ELAVL2: variants seen among roughly 807,000 people sequenced by gnomAD.
The protein encoded by ELAVL2 is ELAV-like protein 2.
Under a neutral mutation model 34.6 loss-of-function variants are expected in ELAVL2, and 4 were observed. That is an observed-to-expected ratio of 0.12 (90% CI 0.06 to 0.26). ELAVL2 has a LOEUF of 0.26. Among genes scored for constraint, ELAVL2 ranks in the 10% least tolerant of loss-of-function variants. The pLI, the probability that ELAVL2 is intolerant of heterozygous loss-of-function variation, is 1.00. For synonymous variants in ELAVL2, 193 were observed against 154.8 expected, an observed-to-expected ratio of 1.25 and a Z score of -1.83; for missense variants, 432 against 442.8, an observed-to-expected ratio of 0.98 and a Z score of 0.22.
chr9:23,715,869 C>A (rs1036054257), intron 3 of ELAVL2, among the ~76,000 whole-genome samples: 4 of 151,934 alleles, frequency 2.6e-5, no homozygotes, highest in Non-Finnish European at 5.9e-5. Flanking sequence ...ACAACCAGTA[C>A]CGGTTGGTAA....
chr9:23,762,089 T>A lies in ELAVL2; in HGVS notation c.146A>T (p.Asn49Ile). 1.2e-6 allele frequency: 2 copies of A among 1,613,558 alleles called. No individual in the cohort carries two copies. The highest frequency in any genetic ancestry group is 1.7e-6 in the Non-Finnish European group (2 of 1,179,600). ...ACTCTTTAGTTCCTCCTGTGTCATG[T>A]TCTGAGGAAGGTAGTTGACTATTAA... ...TNLIVNYLPQ[N>I]MTQEELKSLF... The change falls in exon 2 of 7, where the codon AAC becomes ATC. Residue 49 changes from asparagine to isoleucine, a missense_variant. Physicochemically the swap from Asn to Ile is moderately radical, Grantham distance 149 (BLOSUM62 -3). Coordinates refer to ENST00000397312, the MANE Select transcript of ELAVL2 (RefSeq NM_004432.5).
intron 2 of ELAVL2, among the ~76,000 whole-genome samples, chr9:23,757,785 A>T (rs920916758): frequency 1.3e-5 from 2 of 152,084 alleles, no homozygotes; most frequent in Non-Finnish European, 2.9e-5. Flanking sequence ...TCTAGAGAGA[A>T]GATTATTGTA....
At chr9:23,742,612 C>T (rs567620908) in intron 2 of ELAVL2, among the ~76,000 whole-genome samples, 2 of 152,264 alleles carry the variant, frequency 1.3e-5, no homozygotes, top group South Asian at 2.1e-4. Flanking sequence ...TATGTACAAC[C>T]CTTCCACCGG....
chr9:23,724,993 A>G (rs778048964), intron 3 of ELAVL2, among the ~76,000 whole-genome samples: 2 of 152,108 alleles, frequency 1.3e-5, no homozygotes, highest in African/African-American at 2.4e-5. Context: ...GCTCAAGGTA[A>G]AGGTTTTTAA....
rs202039694 is a variant in ELAVL2, at chr9:23,692,166, GA to G, written c.*390del. 101 of 163,760 alleles carry G rather than the reference GA, an allele frequency of 6.2e-4. No homozygotes were observed. In the East Asian group the frequency reaches 9.6e-3, roughly 16 times the overall value. 10.1% of individuals were successfully genotyped at this position (163,760 alleles called of 1,614,324 possible). On this transcript the variant is annotated 3_prime_UTR_variant, in exon 7 of 7. Transcript: ENST00000397312. The stretch of plus-strand genomic sequence containing the variant: ...AATCAGAAAAAGGAAAAAAAGGGGG[GA>G]AAAAAAAGACACAACCAACTGAAGA...
chr9:23,789,375 G>T (rs1209562608), intron 1 of ELAVL2, among the ~76,000 whole-genome samples: 1 of 152,140 alleles, frequency 6.6e-6, no homozygotes, highest in Non-Finnish European at 1.5e-5. Flanking sequence ...TATATTAAGT[G>T]ATTTATTAAA....
chr9:23,790,267 G>T (rs888083604), intron 1 of ELAVL2, among the ~76,000 whole-genome samples: 4 of 151,932 alleles, frequency 2.6e-5, no homozygotes, highest in Admixed American at 6.6e-5. Context: ...AAAAAGAGAG[G>T]GAATACAAAA....
intron 2 of ELAVL2, among the ~76,000 whole-genome samples, chr9:23,752,107 A>G (rs926044849): frequency 1.3e-5 from 2 of 152,114 alleles, no homozygotes; most frequent in Non-Finnish European, 2.9e-5. Flanking sequence ...CTATGGGGGG[A>G]AAAACAAAAG....
chr9:23,696,980 T>G (rs1322378542), intron 5 of ELAVL2, among the ~76,000 whole-genome samples: 1 of 152,122 alleles, frequency 6.6e-6, no homozygotes, highest in Non-Finnish European at 1.5e-5. Context: ...ATTTAATAGA[T>G]GCACTGAACC....
chr9:23,803,593 C>G (rs1168277224), intron 1 of ELAVL2, among the ~76,000 whole-genome samples: 1 of 152,148 alleles, frequency 6.6e-6, no homozygotes, highest in Non-Finnish European at 1.5e-5. Flanking sequence ...AAAATTGTCC[C>G]AAGGCTGGCT....
intron 3 of ELAVL2, among the ~76,000 whole-genome samples, chr9:23,711,011 C>G (rs999745133): frequency 6.6e-6 from 1 of 152,114 alleles, no homozygotes; most frequent in African/African-American, 2.4e-5. Flanking sequence ...CTACCAGGAA[C>G]AAGTCTCAAA....
intron 2 of ELAVL2, among the ~76,000 whole-genome samples, 169 bp from the exon 3 acceptor site, chr9:23,731,294 C>T (rs573848266): frequency 1.6e-4 from 25 of 152,048 alleles, no homozygotes; most frequent in African/African-American, 6.0e-4. Flanking sequence ...TGTCTCCTGT[C>T]TACTACATTT....
chr9:23,740,021 T>G (rs964831028), intron 2 of ELAVL2, among the ~76,000 whole-genome samples: 1 of 152,002 alleles, frequency 6.6e-6, no homozygotes, highest in Non-Finnish European at 1.5e-5. Flanking sequence ...ACTCACCAAG[T>G]CCATGTGAAA....
intron 5 of ELAVL2, among the ~76,000 whole-genome samples, chr9:23,695,835 C>T (rs896588885): frequency 6.6e-6 from 1 of 152,120 alleles, no homozygotes. Context: ...GTACCACGGT[C>T]GTACATGTGA....
the ELAVL2 span, among the ~76,000 whole-genome samples, chr9:23,842,952 T>C: frequency 6.6e-6 from 1 of 152,158 alleles, no homozygotes; most frequent in East Asian, 1.9e-4. Flanking sequence ...TCCTGCTTCT[T>C]AGCTAGATAA....
intron 3 of ELAVL2, among the ~76,000 whole-genome samples, chr9:23,726,308 A>C (rs984263037): frequency 6.6e-6 from 1 of 152,238 alleles, no homozygotes; most frequent in South Asian, 2.1e-4. Context: ...TTATTTCAGT[A>C]TAAGAAATTT....
upstream of ELAVL2, among the ~76,000 whole-genome samples, chr9:23,826,806 A>C (rs1262488792): frequency 6.6e-6 from 1 of 152,188 alleles, no homozygotes; most frequent in Non-Finnish European, 1.5e-5. Flanking sequence ...ATGAATGTAC[A>C]TCCATTATTT....
At chr9:23,702,445 G>C (rs2037591801) in intron 4 of ELAVL2, among the ~76,000 whole-genome samples, 1 of 152,106 alleles carries the variant, frequency 6.6e-6, no homozygotes, top group Non-Finnish European at 1.5e-5. Flanking sequence ...AAATTGTAGA[G>C]GGAAACCCAG....
At chr9:23,719,060 T>C (rs1328522726) in intron 3 of ELAVL2, among the ~76,000 whole-genome samples, 1 of 152,198 alleles carries the variant, frequency 6.6e-6, no homozygotes, top group Non-Finnish European at 1.5e-5. Flanking sequence ...ATCATTGCCA[T>C]CTATGCAACA....
Sources: gnomAD v4.1 joint callset for allele counts (sites outside exome capture counted in the v4.1 genomes callset) on GRCh38, gnomAD v4.1.1 for gene constraint, MANE v1.5 for transcripts, NCBI Gene and HGNC (gene_info 2026-07-23, HGNC 2026-07-21) for gene names.